Variants in NCAM2 observed in about 807,000 individuals in gnomAD.
The protein encoded by NCAM2 is neural cell adhesion molecule 2.
A neutral mutation model predicts 98.1 loss-of-function variants in NCAM2; 30 were observed. The observed-to-expected ratio is 0.31, with a 90% confidence interval of 0.23 to 0.41. NCAM2 has a LOEUF of 0.41. Among genes scored for constraint, NCAM2 ranks in the 10% least tolerant of loss-of-function variants. NCAM2 has a pLI of 1.00. For missense variants in NCAM2, 867 were observed against 1,005.8 expected, an observed-to-expected ratio of 0.86 and a Z score of 1.87; for synonymous variants, 368 against 342.4, an observed-to-expected ratio of 1.07 and a Z score of -0.83.
At chr21:21,308,891 G>C (rs2073960942) in intron 5 of NCAM2, among the ~76,000 whole-genome samples, 1 of 150,806 alleles carries the variant, frequency 6.6e-6, no homozygotes, top group Non-Finnish European at 1.5e-5. Context: ...CTTATTACAT[G>C]TTCTAGTTTA....
intron 11 of NCAM2, among the ~76,000 whole-genome samples, chr21:21,428,977 G>A (rs2077271990): frequency 6.6e-6 from 1 of 152,156 alleles, no homozygotes; most frequent in African/African-American, 2.4e-5. Flanking sequence ...TGTTTGTAAA[G>A]TGTTTTATCT....
intron 1 of NCAM2, among the ~76,000 whole-genome samples, chr21:21,078,571 C>G (rs1393006033): frequency 1.3e-5 from 2 of 152,122 alleles, no homozygotes; most frequent in African/African-American, 2.4e-5. Context: ...AATGGGAACG[C>G]TTTTACACTG....
intron 12 of NCAM2, among the ~76,000 whole-genome samples, chr21:21,455,481 T>C (rs1352908462): frequency 6.6e-6 from 1 of 151,938 alleles, no homozygotes; most frequent in Non-Finnish European, 1.5e-5. Flanking sequence ...TATGACATGC[T>C]CATAAGAAAA....
intron 1 of NCAM2, among the ~76,000 whole-genome samples, chr21:21,003,397 T>C (rs543025274): frequency 4.6e-5 from 7 of 152,228 alleles, no homozygotes; most frequent in South Asian, 4.1e-4. Flanking sequence ...AGAAAATTCA[T>C]TGGATTTGGA....
chr21:21,195,781 T>G (rs1376157420), intron 1 of NCAM2, among the ~76,000 whole-genome samples: 2 of 152,164 alleles, frequency 1.3e-5, no homozygotes, highest in Non-Finnish European at 2.9e-5. Context: ...TAATGCACAC[T>G]CCAAAGTGTA....
chr21:21,294,519 G>A (rs1194779395), intron 5 of NCAM2, among the ~76,000 whole-genome samples: 1 of 151,762 alleles, frequency 6.6e-6, no homozygotes, highest in Non-Finnish European at 1.5e-5. Context: ...ATTCTAATAT[G>A]AACATCTTTG....
chr21:21,419,133 G>A (rs535080427), intron 11 of NCAM2, among the ~76,000 whole-genome samples: 7 of 151,934 alleles, frequency 4.6e-5, no homozygotes, highest in Non-Finnish European at 1.0e-4. Context: ...ATTTTTATAG[G>A]TAACAATACA....
chr21:21,493,279 A>G (rs148899399), intron 15 of NCAM2, among the ~76,000 whole-genome samples: 101 of 152,060 alleles, frequency 6.6e-4, no homozygotes, highest in African/African-American at 2.0e-3. Flanking sequence ...TTGTTAAAGG[A>G]CAGAAAAGTA....
intron 1 of NCAM2, among the ~76,000 whole-genome samples, chr21:21,251,100 T>C (rs1285822028): frequency 6.6e-6 from 1 of 152,316 alleles, no homozygotes; most frequent in Non-Finnish European, 1.5e-5. Context: ...TTATTGATTA[T>C]AAGTCATTAG....
At chr21:21,470,452 T>C (rs1207529728) in intron 14 of NCAM2, among the ~76,000 whole-genome samples, 2 of 152,094 alleles carry the variant, frequency 1.3e-5, no homozygotes, top group African/African-American at 4.8e-5. Context: ...GTTCATATAA[T>C]GGTACTCAAT....
intron 16 of NCAM2, among the ~76,000 whole-genome samples, chr21:21,519,591 C>T (rs1451194320): frequency 6.6e-6 from 1 of 152,004 alleles, no homozygotes; most frequent in Non-Finnish European, 1.5e-5. Flanking sequence ...TCCACCACAC[C>T]TCTGTTTTTA....
chr21:21,265,222 ATAT>A (rs1482764657), intron 1 of NCAM2, among the ~76,000 whole-genome samples: 3 of 126,194 alleles, frequency 2.4e-5, no homozygotes, highest in East Asian at 2.3e-4. Flanking sequence ...ATAGTATATT[ATAT>A]TATATATATG....
intron 1 of NCAM2, among the ~76,000 whole-genome samples, chr21:21,163,260 C>T (rs1601538668): frequency 6.6e-6 from 1 of 151,540 alleles, no homozygotes; most frequent in African/African-American, 2.4e-5. Flanking sequence ...AAATAGAGGT[C>T]GGTGATTACC....
At chr21:21,479,263 A>T (rs1394173614) in intron 15 of NCAM2, among the ~76,000 whole-genome samples, 5 of 152,112 alleles carry the variant, frequency 3.3e-5, no homozygotes, top group Non-Finnish European at 5.9e-5. Flanking sequence ...ACTAAATGTT[A>T]TACCCCCAAT....
chr21:21,101,512 A>G (rs1173556688), intron 1 of NCAM2, among the ~76,000 whole-genome samples: 2 of 152,084 alleles, frequency 1.3e-5, no homozygotes, highest in Non-Finnish European at 2.9e-5. Flanking sequence ...CTGCCCATGT[A>G]TAAATTCCAC....
At chr21:21,058,910 TGCTTTTTTCGAA>T (rs1296010017) in intron 1 of NCAM2, among the ~76,000 whole-genome samples, 2 of 152,106 alleles carry the variant, frequency 1.3e-5, no homozygotes, top group Non-Finnish European at 2.9e-5. Flanking sequence ...GACATTCTAG[TGCTTTTTTCGAA>T]GGACTATCCA....
intron 1 of NCAM2, among the ~76,000 whole-genome samples, chr21:21,092,566 G>A (rs1024891483): frequency 8.6e-5 from 13 of 152,030 alleles, no homozygotes; most frequent in African/African-American, 2.2e-4. Flanking sequence ...AGCCACACAA[G>A]TGAGTTACAT....
chr21:21,513,516 T>G (rs970410139), intron 16 of NCAM2, among the ~76,000 whole-genome samples: 3 of 152,100 alleles, frequency 2.0e-5, no homozygotes, highest in Non-Finnish European at 4.4e-5. Flanking sequence ...AGTTCCTCTT[T>G]TTATTGACTT....
chr21:21,362,802 T>A (rs1195786996), intron 8 of NCAM2, among the ~76,000 whole-genome samples: 1 of 152,176 alleles, frequency 6.6e-6, no homozygotes, highest in African/African-American at 2.4e-5. Flanking sequence ...ACTATTGATT[T>A]TTAACAGGTA....
Sources: gnomAD v4.1 joint callset for allele counts (sites outside exome capture counted in the v4.1 genomes callset) on GRCh38, gnomAD v4.1.1 for gene constraint, MANE v1.5 for transcripts, NCBI Gene and HGNC (gene_info 2026-07-23, HGNC 2026-07-21) for gene names.